MSMO1: variants seen among roughly 807,000 people sequenced by gnomAD.
MSMO1 encodes the protein C-4 methylsterol oxidase.
In MSMO1, 18 loss-of-function variants were observed where a neutral mutation model predicts 30.4. That is an observed-to-expected ratio of 0.59 (90% CI 0.41 to 0.88). The LOEUF (loss-of-function observed/expected upper bound fraction) is 0.88, where lower values mean the gene tolerates loss of function less well. Among genes scored for constraint, MSMO1 ranks in the 40% least tolerant of loss-of-function variants. The pLI, the probability that MSMO1 is intolerant of heterozygous loss-of-function variation, is 0.00. For synonymous variants in MSMO1, 84 were observed against 107.9 expected (o/e 0.78, Z 1.37); for missense variants, 284 against 340.5 (o/e 0.83, Z 1.31).
At chr4:165,339,970 T>C (rs1487818117) in intron 4 of MSMO1, among the ~76,000 whole-genome samples, 1 of 152,176 alleles carries the variant, frequency 6.6e-6, no homozygotes, top group African/African-American at 2.4e-5. Context: ...GAATCCTTCT[T>C]CAGGAAACCT....
At chr4:165,338,991 TTA>T (rs1205263140) in intron 4 of MSMO1, among the ~76,000 whole-genome samples, 1 of 151,962 alleles carries the variant, frequency 6.6e-6, no homozygotes, top group African/African-American at 2.4e-5. Context: ...AAGAAAAATA[TTA>T]TATGAAAGTT....
At chr4:165,340,130 C>G in intron 4 of MSMO1, 91 bp from the exon 5 acceptor site, 1 of 1,095,128 alleles carries the variant, frequency 9.1e-7, no homozygotes, top group East Asian at 2.5e-5. Context: ...TTTAATCAAA[C>G]AGTTGGATAT....
chr4:165,340,208 C>T lies in MSMO1; in HGVS notation c.532-13C>T. 6.2e-7 allele frequency: 1 copy of T among 1,612,590 alleles called. No individual in the cohort carries two copies. The highest frequency in any genetic ancestry group is 8.5e-7 in the Non-Finnish European group (1 of 1,179,272). ...AGCTAAGAAATTAAGAATTTCTTATCTGTTTGTCTTAGGCTCCATTTGGAA... is the reference window on the plus strand; with the variant it reads ...AGCTAAGAAATTAAGAATTTCTTATTTGTTTGTCTTAGGCTCCATTTGGAA... On this transcript the variant is annotated splice_polypyrimidine_tract_variant and intron_variant, in intron 4 of 5. Transcript: ENST00000261507.
intron 2 of MSMO1, among the ~76,000 whole-genome samples, chr4:165,335,300 G>A (rs1747508518): frequency 6.6e-6 from 1 of 152,060 alleles, no homozygotes; most frequent in Non-Finnish European, 1.5e-5. Flanking sequence ...GTCCTCTCTG[G>A]GGATAATGCA....
At chr4:165,329,625 ATTTTTTTTTTTTT>A (rs1171733863) in intron 1 of MSMO1, among the ~76,000 whole-genome samples, 3 of 67,992 alleles carry the variant, frequency 4.4e-5, no homozygotes, top group African/African-American at 1.3e-4. Context: ...ATCCATAGCG[ATTTTTTTTTTTTT>A]TTTTTTTTTT....
intron 2 of MSMO1, among the ~76,000 whole-genome samples, chr4:165,334,966 A>G (rs1747499795): frequency 1.3e-5 from 2 of 152,210 alleles, no homozygotes; most frequent in Admixed American, 1.3e-4. Flanking sequence ...GAACATGTAC[A>G]GTCTTTTTTT....
At position 165,331,515 on chromosome 4, in the gene MSMO1, A is replaced by C. The variant is rs575465063; in HGVS notation, c.-31-1825A>C. On this transcript the variant is annotated intron_variant, in intron 1 of 5. Coordinates refer to ENST00000261507, the MANE Select transcript of MSMO1 (RefSeq NM_006745.5). ...GGCCTGTAATGACACAGGATGGAAC[A>C]CTATAGTCACTGTGGTGTAAGTCAT... Among the ~76,000 whole-genome samples the C allele has an allele frequency of 4.9e-4, 75 of 152,202 alleles. No homozygotes were observed. In the East Asian group the frequency reaches 0.014, roughly 28 times the overall value.
chr4:165,328,594 C>T lies in MSMO1; in HGVS notation c.-32+830C>T, dbSNP rs768583647. On this transcript the variant is annotated intron_variant, in intron 1 of 5. Coordinates refer to ENST00000261507, the MANE Select transcript of MSMO1 (RefSeq NM_006745.5). The stretch of plus-strand genomic sequence containing the variant: ...CAGAGACTGGCTGACAGCTAAACTT[C>T]AAGGTTTCTGAGAATCCACAAATAA... Among the ~76,000 whole-genome samples, 29 of 152,278 alleles carry T rather than the reference C, an allele frequency of 1.9e-4. No individual in the cohort carries two copies. In the Middle Eastern group the frequency reaches 0.01, roughly 54 times the overall value.
chr4:165,331,167 G>A (rs939718938), intron 1 of MSMO1, among the ~76,000 whole-genome samples: 4 of 151,992 alleles, frequency 2.6e-5, no homozygotes, highest in Non-Finnish European at 4.4e-5. Flanking sequence ...TTAGCCAGGC[G>A]TGGTGGCATG....
intron 1 of MSMO1, among the ~76,000 whole-genome samples, chr4:165,328,596 A>G (rs1207091813): frequency 3.9e-5 from 6 of 152,214 alleles, no homozygotes; most frequent in Non-Finnish European, 5.9e-5. Flanking sequence ...CTAAACTTCA[A>G]GGTTTCTGAG....
Position 165,337,776 on chromosome 4 carries a change from T to C in MSMO1, c.256-13T>C. On this transcript the variant is annotated splice_polypyrimidine_tract_variant and intron_variant, in intron 2 of 5. Transcript: ENST00000261507. ...CAGAGACTAATATTAGATATTGTGA[T>C]TTTTCTTCGTAGGATAAGCCAGAGA... 1 of 1,613,218 alleles carries C rather than the reference T, an allele frequency of 6.2e-7. No individual in the cohort carries two copies. The highest frequency in any genetic ancestry group is 8.5e-7 in the Non-Finnish European group (1 of 1,179,446).
chr4:165,335,955 GT>G (rs1263299577), intron 2 of MSMO1, among the ~76,000 whole-genome samples: 1 of 152,110 alleles, frequency 6.6e-6, no homozygotes, highest in African/African-American at 2.4e-5. Context: ...TTAATTACAG[GT>G]TTATGCATTT....
In MSMO1 at chr4:165,341,895, G is replaced by A. The variant is rs17585739; in HGVS notation, c.831G>A (p.Gln277=). 0.06 allele frequency: 97,237 copies of A among 1,612,140 alleles called. 3,225 individuals are homozygous for A. Among genetic ancestry groups the A allele is most frequent in the African/African-American group, 0.078 (5,813 of 74,908 alleles). Residue 277 remains glutamine, a synonymous_variant, in exon 6 of 6, where the codon CAG becomes CAA. Coordinates refer to ENST00000261507, the MANE Select transcript of MSMO1 (RefSeq NM_006745.5). The part of the protein sequence containing the change: ...WWDRIFGTDS[Q]YNAYNEKRKK... Reference sequence around the variant, plus strand: ...ATCGAATTTTTGGAACAGACTCTCAGTATAATGCCTATAATGAAAAGAGGA... The same window carrying A: ...ATCGAATTTTTGGAACAGACTCTCAATATAATGCCTATAATGAAAAGAGGA...
intron 5 of MSMO1, among the ~76,000 whole-genome samples, chr4:165,341,044 T>G (rs1227027863): frequency 6.6e-6 from 1 of 151,978 alleles, no homozygotes; most frequent in Non-Finnish European, 1.5e-5. Context: ...TCTTTCTTTT[T>G]TTTTTCTATC....
At chr4:165,333,865 C>T (rs1371778939) in intron 2 of MSMO1, among the ~76,000 whole-genome samples, 1 of 152,148 alleles carries the variant, frequency 6.6e-6, no homozygotes, top group Non-Finnish European at 1.5e-5. Flanking sequence ...GTGCAGGGTC[C>T]ATGCCTGTAA....
rs1232348887 is a variant in MSMO1 at position 165,342,800 on chromosome 4, A to C, written c.*854A>C. 3 of 151,962 alleles carry C rather than the reference A, an allele frequency of 2.0e-5. No homozygotes were observed. The highest frequency in any genetic ancestry group is 4.4e-5 in the Non-Finnish European group (3 of 68,076). The allele number at this position is 151,962 out of a possible 1,614,324, so 9.4% of individuals were successfully genotyped here. A position where few individuals can be genotyped will look rare whatever the true frequency, so the allele number is the denominator to read the frequency against. ...GAACTTCCATTCTAATCTAGAGCTG[A>C]CCAGTTTGAGCTGATTCTCTCTTTG... On this transcript the variant is annotated 3_prime_UTR_variant, in exon 6 of 6. Coordinates refer to ENST00000261507, the MANE Select transcript of MSMO1 (RefSeq NM_006745.5).
Position 165,342,916 on chromosome 4 carries a change from AT to A in MSMO1, c.*977del, listed in dbSNP as rs1277715616. 6.6e-6 allele frequency: 1 copy of A among 152,570 alleles called. No individual in the cohort carries two copies. Among genetic ancestry groups the A allele is most frequent in the African/African-American group, 2.4e-5 (1 of 41,422 alleles). 9.5% of individuals were successfully genotyped at this position (152,570 alleles called of 1,614,324 possible). ...TCTAAAGGCTTTTCAAATTACTTGA[AT>A]TTTTTTAAAAATTGAGGAGCTTTAT... is the stretch of plus-strand genomic sequence containing the variant. On this transcript the variant is annotated 3_prime_UTR_variant, in exon 6 of 6. Transcript: ENST00000261507.
In MSMO1 at chr4:165,340,139, A is replaced by G. The variant is rs1186510524; in HGVS notation, c.532-82A>G. The G allele has an allele frequency of 2.4e-6, 3 of 1,239,668 alleles. No homozygotes were observed. The Admixed American group carries it at 5.6e-5, about 23-fold the overall frequency. 76.8% of individuals were successfully genotyped at this position (1,239,668 alleles called of 1,614,324 possible). The stretch of plus-strand genomic sequence containing the variant: ...CTGGTATTTAATCAAACAGTTGGAT[A>G]TCATAGCCTAGCCAAGTTGACACAT... On this transcript the variant is annotated intron_variant, in intron 4 of 5. Coordinates refer to ENST00000261507, the MANE Select transcript of MSMO1 (RefSeq NM_006745.5).
At chr4:165,339,991 T>A (rs1394724520) in intron 4 of MSMO1, among the ~76,000 whole-genome samples, 2 of 152,220 alleles carry the variant, frequency 1.3e-5, no homozygotes, top group Non-Finnish European at 2.9e-5. Flanking sequence ...CAGCCTTTTA[T>A]CCTGAAGGCC....
Sources: allele counts gnomAD v4.1 joint callset (sites outside exome capture counted in the v4.1 genomes callset), GRCh38; gene constraint gnomAD v4.1.1; transcripts MANE v1.5; gene names NCBI Gene and HGNC (gene_info 2026-07-23, HGNC 2026-07-21).